The following LRRC36 variants were observed in gnomAD, a reference collection of about 807,000 sequenced individuals.
LRRC36 encodes the protein leucine rich repeat containing 36, also known as leucine-rich repeat-containing protein 36.
A neutral mutation model predicts 81.1 loss-of-function variants in LRRC36; 62 were observed. That is an observed-to-expected ratio of 0.76 (90% confidence interval 0.62 to 0.94). The LOEUF (loss-of-function observed/expected upper bound fraction) is 0.94. Ranked by LOEUF, LRRC36 falls within the 40% of genes least tolerant of loss-of-function variation. LRRC36 has a pLI of 0.00. For synonymous variants in LRRC36, 334 were observed against 348.6 expected (o/e 0.96, Z 0.47); for missense variants, 761 against 881.7 (o/e 0.86, Z 1.73).
intron 13 of LRRC36, among the ~76,000 whole-genome samples, chr16:67,384,350 C>G (rs1305473887): frequency 6.6e-6 from 1 of 152,166 alleles, no homozygotes; most frequent in Non-Finnish European, 1.5e-5. Flanking sequence ...AGGAGAATTG[C>G]TTGAATCCAG....
intron 1 of LRRC36, among the ~76,000 whole-genome samples, chr16:67,334,469 C>T (rs530121877): frequency 3.4e-4 from 51 of 152,132 alleles, no homozygotes; most frequent in African/African-American, 1.1e-3. Context: ...GGACTGCAGG[C>T]GTGTGCCACC....
intron 1 of LRRC36, among the ~76,000 whole-genome samples, chr16:67,334,410 C>T (rs544499117): frequency 8.6e-5 from 13 of 151,460 alleles, no homozygotes; most frequent in Non-Finnish European, 1.5e-4. Flanking sequence ...CAGCAACCTC[C>T]GCCTCCTGGG....
intron 1 of LRRC36, among the ~76,000 whole-genome samples, chr16:67,333,742 A>T (rs2037613631): frequency 6.6e-6 from 1 of 152,020 alleles, no homozygotes; most frequent in Non-Finnish European, 1.5e-5. Context: ...TTCCTTTTTT[A>T]AAAAAATTAA....
rs7189574 is a variant in LRRC36, at chr16:67,347,874, A to T, written c.488+283A>T. 1.6e-3 allele frequency among the ~76,000 whole-genome samples: 239 copies of T among 152,304 alleles called. 2 individuals carry two copies. Among genetic ancestry groups the T allele is most frequent in the African/African-American group, 5.5e-3 (228 of 41,562 alleles). The stretch of plus-strand genomic sequence containing the variant: ...AGATAGGGATACTATGAGATTACTT[A>T]TTCCTATAAATGCTTACCAACTCTT... On this transcript the variant is annotated intron_variant, in intron 4 of 13. Transcript: ENST00000329956.
chr16:67,332,617 A>T (rs1213339247), intron 1 of LRRC36, among the ~76,000 whole-genome samples: 1 of 152,222 alleles, frequency 6.6e-6, no homozygotes, highest in Non-Finnish European at 1.5e-5. Context: ...TAAGACATGC[A>T]TTCATGTGAA....
intron 13 of LRRC36, among the ~76,000 whole-genome samples, chr16:67,383,679 C>T (rs1005717077): frequency 1.3e-5 from 2 of 152,136 alleles, no homozygotes; most frequent in Non-Finnish European, 2.9e-5. Flanking sequence ...TTTTATTTTG[C>T]CCTTGATTCT....
chr16:67,362,770 G>A (rs1469195903), intron 5 of LRRC36, among the ~76,000 whole-genome samples: 2 of 150,854 alleles, frequency 1.3e-5, no homozygotes, highest in Non-Finnish European at 3.0e-5. Context: ...TTTTGTTTTT[G>A]TTGTTGTTGT....
rs533360608 is a variant in LRRC36 at position 67,355,534 on chromosome 16, C to T, written c.577+5244C>T. 1.6e-4 allele frequency among the ~76,000 whole-genome samples: 24 copies of T among 151,502 alleles called. 1 individual carries two copies. The highest frequency in any genetic ancestry group is 5.6e-4 in the African/African-American group (23 of 41,330). On this transcript the variant is annotated intron_variant, in intron 5 of 13. Coordinates refer to ENST00000329956, the MANE Select transcript of LRRC36 (RefSeq NM_018296.6). ...GGACTACAGGCGCCCGCCACTACGC[C>T]CGGCTAATTTTTTGTATTTTTAGTA...
rs1240261140 is a variant in LRRC36, at chr16:67,352,208, A to G, written c.577+1918A>G. Reference sequence around the variant, plus strand: ...CTGTTGCCTGGATTTTTTTTAATATAAAATTTATTTTGCTACTTCGAAACG... The same window carrying G: ...CTGTTGCCTGGATTTTTTTTAATATGAAATTTATTTTGCTACTTCGAAACG... On this transcript the variant is annotated intron_variant, in intron 5 of 13. Coordinates refer to ENST00000329956, the MANE Select transcript of LRRC36 (RefSeq NM_018296.6). 2.0e-5 allele frequency among the ~76,000 whole-genome samples: 3 copies of G among 152,214 alleles called. No homozygotes were observed. The East Asian group carries it at 5.8e-4, about 29-fold the overall frequency.
intron 5 of LRRC36, among the ~76,000 whole-genome samples, chr16:67,362,767 TTTGTTGTTG>T (rs111993299): frequency 2.0e-5 from 3 of 151,098 alleles, no homozygotes; most frequent in African/African-American, 4.9e-5. Flanking sequence ...TTTTTTTGTT[TTTGTTGTTG>T]TTGTTGTTGT....
chr16:67,340,794 CCACA>C (rs1190974348), intron 1 of LRRC36, among the ~76,000 whole-genome samples: 18 of 145,574 alleles, frequency 1.2e-4, no homozygotes, highest in African/African-American at 4.3e-4. Context: ...AGAATATATA[CCACA>C]TATACTCTAT....
chr16:67,347,593 T>G lies in LRRC36; in HGVS notation c.488+2T>G. On this transcript the variant is annotated splice_donor_variant, in intron 4 of 13. Coordinates refer to ENST00000329956, the MANE Select transcript of LRRC36 (RefSeq NM_018296.6). LOFTEE classifies it high-confidence loss of function. ...TTTTCTTTTAGAGGTGGAAAAAAGGTAAGAAGATTCTTTACAAAATTTTTA... is the reference window on the plus strand; with the variant it reads ...TTTTCTTTTAGAGGTGGAAAAAAGGGAAGAAGATTCTTTACAAAATTTTTA... 3 of 1,606,052 alleles carry G rather than the reference T, an allele frequency of 1.9e-6. No homozygotes were observed. The highest frequency in any genetic ancestry group is 2.6e-6 in the Non-Finnish European group (3 of 1,173,468).
intron 11 of LRRC36, among the ~76,000 whole-genome samples, chr16:67,377,986 G>A (rs753027385): frequency 6.6e-6 from 1 of 152,150 alleles, no homozygotes; most frequent in East Asian, 1.9e-4. Flanking sequence ...TTCAGTTCTA[G>A]AAACTTTAGA....
At chr16:67,341,288 A>G (rs1359829564) in intron 1 of LRRC36, among the ~76,000 whole-genome samples, 1 of 132,638 alleles carries the variant, frequency 7.5e-6, no homozygotes, top group African/African-American at 3.3e-5. Context: ...TCTATAGTCT[A>G]TAGACAGTCT....
At chr16:67,346,184 T>C (rs1253337953) in intron 2 of LRRC36, 72 bp from the exon 3 acceptor site, 12 of 988,196 alleles carry the variant, frequency 1.2e-5, no homozygotes, top group Non-Finnish European at 1.8e-5. Context: ...GTAACATATA[T>C]TTCCATCTTT....
chr16:67,328,417 G>A (rs954952631), intron 1 of LRRC36, among the ~76,000 whole-genome samples: 2 of 152,146 alleles, frequency 1.3e-5, no homozygotes, highest in African/African-American at 4.8e-5. Flanking sequence ...GGAGGCTGAG[G>A]CAGGAGAATG....
At chr16:67,340,655 C>CA (rs1392849713) in intron 1 of LRRC36, among the ~76,000 whole-genome samples, 1 of 149,340 alleles carries the variant, frequency 6.7e-6, no homozygotes, top group Non-Finnish European at 1.5e-5. Flanking sequence ...GACTCCATCT[C>CA]AAAAAAAATA....
At chr16:67,350,930 C>T (rs1396848639) in intron 5 of LRRC36, among the ~76,000 whole-genome samples, 1 of 151,974 alleles carries the variant, frequency 6.6e-6, no homozygotes, top group African/African-American at 2.4e-5. Flanking sequence ...CCCATCTACT[C>T]GGGAGGCTGA....
intron 1 of LRRC36, among the ~76,000 whole-genome samples, chr16:67,331,474 A>G (rs902702456): frequency 1.3e-5 from 2 of 152,184 alleles, no homozygotes; most frequent in Non-Finnish European, 2.9e-5. Flanking sequence ...GCAGTGCACT[A>G]TGATAGTGCT....
Sources: gnomAD v4.1 joint callset for allele counts (sites outside exome capture counted in the v4.1 genomes callset) on GRCh38, gnomAD v4.1.1 for gene constraint, MANE v1.5 for transcripts, NCBI Gene and HGNC (gene_info 2026-07-23, HGNC 2026-07-21) for gene names.